The following NRK variants were observed in gnomAD, a reference collection of about 807,000 sequenced individuals.
The protein encoded by NRK is nik-related protein kinase.
NRK carries 67 observed loss-of-function variants against 125.2 expected under a neutral mutation model. The observed-to-expected ratio is 0.54, with a 90% CI of 0.44 to 0.66. The LOEUF is 0.66. Among genes scored for constraint, NRK ranks in the 30% least tolerant of loss-of-function variants. NRK has a pLI of 0.00. For missense variants in NRK, 1,224 were observed against 1,192.9 expected (o/e 1.03, Z -0.38); for synonymous variants, 458 against 429.0 (o/e 1.07, Z -0.84).
intron 2 of NRK, among the ~76,000 whole-genome samples, chrX:105,846,184 G>C (rs2039399520): frequency 8.9e-6 from 1 of 111,952 alleles, no homozygotes; most frequent in African/African-American, 3.3e-5. Flanking sequence ...ATGTTCTTCT[G>C]TTTCACAGGC....
At chrX:105,953,904 C>A (rs1039538744) in intron 28 of NRK, among the ~76,000 whole-genome samples, 8 of 110,830 alleles carry the variant, frequency 7.2e-5, no homozygotes, top group Admixed American at 5.8e-4. Context: ...AATATCAGAA[C>A]AGCCAGGGTA....
intron 1 of NRK, among the ~76,000 whole-genome samples, chrX:105,825,945 CTT>C (rs1250038218): frequency 9.4e-6 from 1 of 106,309 alleles, no homozygotes; most frequent in Non-Finnish European, 1.9e-5. Flanking sequence ...AGCTTTATGT[CTT>C]TATATATATC....
intron 21 of NRK, among the ~76,000 whole-genome samples, chrX:105,936,724 C>T (rs959675113): frequency 9.0e-6 from 1 of 111,359 alleles, no homozygotes; most frequent in African/African-American, 3.3e-5. Context: ...TCTTCTATTT[C>T]AGTCCTCTTA....
intron 7 of NRK, among the ~76,000 whole-genome samples, chrX:105,896,078 C>A (rs1256814490): frequency 1.8e-5 from 2 of 111,662 alleles, no homozygotes; most frequent in Admixed American, 1.9e-4. Flanking sequence ...CTGGAAGTAC[C>A]TAGCTTTCTA....
Position 105,943,986 on chromosome X carries a change from C to T in NRK, c.4004C>T (p.Ser1335Leu). Residue 1335 changes from serine to leucine, a missense_variant, in exon 24 of 29, where the codon TCA becomes TTA. Ser to Leu is a moderately radical substitution (Grantham distance 145). Coordinates refer to ENST00000243300, the MANE Select transcript of NRK (RefSeq NM_198465.4). ...TTYIAIALKSSIHLYAWAPKS... is the reference protein window; with the variant it reads ...TTYIAIALKSLIHLYAWAPKS... Reference sequence around the variant, plus strand: ...TATATTGCAATTGCTTTGAAATCATCAATTCACCTTTATGCATGGGCACCA... The same window carrying T: ...TATATTGCAATTGCTTTGAAATCATTAATTCACCTTTATGCATGGGCACCA... 2 of 1,179,261 alleles carry T rather than the reference C, an allele frequency of 1.7e-6. No homozygotes were observed. The highest frequency in any genetic ancestry group is 2.3e-6 in the Non-Finnish European group (2 of 870,910).
chrX:105,828,632 T>C (rs1569285480), intron 1 of NRK, among the ~76,000 whole-genome samples: 1 of 111,873 alleles, frequency 8.9e-6, no homozygotes, highest in Non-Finnish European at 1.9e-5. Context: ...TTTTGACAGA[T>C]GGCCAAAGAC....
intron 2 of NRK, among the ~76,000 whole-genome samples, chrX:105,852,952 G>A (rs957477860): frequency 9.0e-5 from 10 of 111,608 alleles, no homozygotes; most frequent in Non-Finnish European, 1.3e-4. Flanking sequence ...TTACACTCTC[G>A]TGAACTTCAA....
Position 105,902,559 on chromosome X carries a change from C to A in NRK, c.766+1887C>A, listed in dbSNP as rs191453511. On this transcript the variant is annotated intron_variant, in intron 9 of 28. Transcript: ENST00000243300. ...TTCCTTTGGTCTTCCTTTGGTGAGT[C>A]TTTTCCAGAGAAGTAAAGAGAGAGA... Among the ~76,000 whole-genome samples the A allele has an allele frequency of 1.5e-3, 168 of 111,901 alleles. 1 individual carries two copies. Among genetic ancestry groups the A allele is most frequent in the African/African-American group, 5.3e-3 (164 of 30,820 alleles).
At chrX:105,917,209 T>C (rs924468611) in intron 15 of NRK, among the ~76,000 whole-genome samples, 4 of 111,203 alleles carry the variant, frequency 3.6e-5, no homozygotes, top group Admixed American at 2.9e-4. Context: ...CAGTAACTTG[T>C]TTATTATGTT....
chrX:105,892,261 T>A (rs1011082918), intron 5 of NRK, among the ~76,000 whole-genome samples: 5 of 111,521 alleles, frequency 4.5e-5, no homozygotes, highest in Non-Finnish European at 9.4e-5. Flanking sequence ...CAAACCTTAA[T>A]TAAGCTGGGA....
intron 23 of NRK, among the ~76,000 whole-genome samples, chrX:105,943,353 C>G (rs1362372925): frequency 2.7e-5 from 3 of 111,954 alleles, no homozygotes; most frequent in Non-Finnish European, 3.8e-5. Flanking sequence ...TATTTGCCAA[C>G]TCCCAATTTT....
intron 9 of NRK, among the ~76,000 whole-genome samples, chrX:105,902,886 C>T (rs770808937): frequency 1.3e-4 from 15 of 111,440 alleles, no homozygotes; most frequent in South Asian, 7.7e-4. Flanking sequence ...TTGTCTTCCA[C>T]GAAACTAGTC....
intron 16 of NRK, among the ~76,000 whole-genome samples, chrX:105,920,272 T>C (rs755302451): frequency 2.3e-4 from 25 of 107,735 alleles, no homozygotes; most frequent in African/African-American, 8.1e-4. Flanking sequence ...TTGGTACCAG[T>C]ACCATGCTGT....
At chrX:105,894,852 C>G (rs1315266234) in intron 6 of NRK, among the ~76,000 whole-genome samples, 1 of 111,927 alleles carries the variant, frequency 8.9e-6, no homozygotes, top group African/African-American at 3.2e-5. Flanking sequence ...CAGTTAGTGT[C>G]TGAGGCAGTC....
chrX:105,940,937 T>C (rs189272062), intron 23 of NRK, among the ~76,000 whole-genome samples: 5 of 111,979 alleles, frequency 4.5e-5, no homozygotes, highest in African/African-American at 1.6e-4. Context: ...TTTTTGTATG[T>C]GTGTGCATAT....
At chrX:105,941,555 A>AAGAGAGAGAGAGAGAGAGAGAG (rs771874766) in intron 23 of NRK, among the ~76,000 whole-genome samples, 25 of 85,276 alleles carry the variant, frequency 2.9e-4, no homozygotes, top group Non-Finnish European at 5.0e-4. Context: ...GAGAGACAGA[A>AAGAGAGAGAGAGAGAGAGAGAG]AGAGAGAGAG....
At chrX:105,849,533 A>G (rs1167447947) in intron 2 of NRK, among the ~76,000 whole-genome samples, 1 of 111,037 alleles carries the variant, frequency 9.0e-6, no homozygotes, top group African/African-American at 3.3e-5. Flanking sequence ...CCAAAATCTC[A>G]TCTGAGACAA....
Position 105,911,863 on chromosome X carries a change from T to TA in NRK, c.2242-782dup, listed in dbSNP as rs765563195. On this transcript the variant is annotated intron_variant, in intron 13 of 28. Transcript: ENST00000243300. ...ACACACTTATTGTCATTTATTGTTT[T>TA]AAACATATATGTGGAAAGCCATTCT... is the stretch of plus-strand genomic sequence containing the variant. 1.4e-4 allele frequency among the ~76,000 whole-genome samples: 16 copies of TA among 111,971 alleles called. 1 individual carries two copies. Among genetic ancestry groups the TA allele is most frequent in the African/African-American group, 5.2e-4 (16 of 30,901 alleles).
chrX:105,945,622 C>T (rs751278945), intron 24 of NRK, among the ~76,000 whole-genome samples: 1 of 111,137 alleles, frequency 9.0e-6, no homozygotes, highest in Admixed American at 9.6e-5. Flanking sequence ...AGCTGGAAAG[C>T]GAAGAAATAA....
Sources: allele counts gnomAD v4.1 joint callset (sites outside exome capture counted in the v4.1 genomes callset), GRCh38; gene constraint gnomAD v4.1.1; transcripts MANE v1.5; gene names NCBI Gene and HGNC (gene_info 2026-07-23, HGNC 2026-07-21).